The following TXNRD1 variants were observed in gnomAD, a reference collection of about 807,000 sequenced individuals.
TXNRD1 encodes thioredoxin reductase 1, also known as thioredoxin reductase 1, cytoplasmic.
A neutral mutation model predicts 80.3 loss-of-function variants in TXNRD1; 57 were observed. That is an observed-to-expected ratio of 0.71 (90% CI 0.57 to 0.89). The LOEUF (loss-of-function observed/expected upper bound fraction) is 0.89. TXNRD1 is among the 40% of genes least tolerant of loss of function. The pLI is 0.00. For synonymous variants in TXNRD1, 291 were observed against 285.2 expected (o/e 1.02, Z -0.20); for missense variants, 730 against 803.0 (o/e 0.91, Z 1.10).
At chr12:104,304,834 T>C in intron 4 of TXNRD1, 1 of 1,614,004 alleles carries the variant, frequency 6.2e-7, no homozygotes, top group Non-Finnish European at 8.5e-7. Context: ...CCAGTTGCCA[T>C]GGCAGGAAAC....
chr12:104,288,731 G>T, intron 3 of TXNRD1, 200 bp from the exon 4 acceptor site: 1 of 1,436,308 alleles, frequency 7.0e-7, no homozygotes, highest in Non-Finnish European at 9.2e-7. Context: ...GTGCGGATTT[G>T]CCGGGGTCAG....
intron 3 of TXNRD1, chr12:104,287,079 G>C: frequency 7.0e-7 from 1 of 1,431,918 alleles, no homozygotes; most frequent in African/African-American, 1.4e-5. Context: ...CCTGAAGGAG[G>C]GCCTGATGTC....
At chr12:104,284,038 A>G (rs1177715852) in intron 3 of TXNRD1, among the ~76,000 whole-genome samples, 1 of 152,036 alleles carries the variant, frequency 6.6e-6, no homozygotes, top group African/African-American at 2.4e-5. Flanking sequence ...TGGTTAAGGG[A>G]GTTCTGTCTG....
intron 1 of TXNRD1, among the ~76,000 whole-genome samples, chr12:104,235,744 G>T (rs2032725392): frequency 6.6e-6 from 1 of 152,204 alleles, no homozygotes; most frequent in African/African-American, 2.4e-5. Context: ...AAACCCATAA[G>T]CCTGCTGTTT....
intron 3 of TXNRD1, chr12:104,286,586 G>GTTT: frequency 4.1e-5 from 13 of 313,994 alleles, no homozygotes; most frequent in Non-Finnish European, 5.4e-5. Context: ...CACCTTTGGA[G>GTTT]TTTTTTTTTT....
chr12:104,266,490 C>A (rs1251007000), intron 3 of TXNRD1, among the ~76,000 whole-genome samples: 1 of 144,110 alleles, frequency 6.9e-6, no homozygotes, highest in Non-Finnish European at 1.5e-5. Context: ...CACGCCACTG[C>A]ACTCCAGTCT....
rs753862465 is a variant in TXNRD1, at chr12:104,325,315, T to TG, written c.1216-22_1216-21insG. 10 of 1,582,304 alleles carry TG rather than the reference T, an allele frequency of 6.3e-6. No individual in the cohort carries two copies. The African/African-American group carries it at 1.3e-4, about 21-fold the overall frequency. On this transcript the variant is annotated intron_variant, in intron 10 of 16. Transcript: ENST00000525566. ...CTTGATAAATGTCTTTATTTCACAG[T>TG]AAAACTTTATCACTCTTACAGGTTG...
At chr12:104,267,465 C>G (rs984541500) in intron 3 of TXNRD1, among the ~76,000 whole-genome samples, 18 of 151,376 alleles carry the variant, frequency 1.2e-4, no homozygotes, top group African/African-American at 4.4e-4. Flanking sequence ...TTCTGTAGAG[C>G]TGGAGTCTCA....
rs1482667768 is a variant in TXNRD1 at position 104,256,661 on chromosome 12, C to T, written c.244-1358C>T. Among the ~76,000 whole-genome samples, 4 of 151,568 alleles carry T rather than the reference C, an allele frequency of 2.6e-5. No individual in the cohort carries two copies. In the South Asian group the frequency reaches 8.4e-4, roughly 32 times the overall value. ...GGGTGTGGTGGCGCATGCCTGTAAC[C>T]CCACCTAATTGGGTGGCTGAGGCAG... On this transcript the variant is annotated intron_variant, in intron 2 of 16. Coordinates refer to ENST00000525566, the MANE Select transcript of TXNRD1 (RefSeq NM_001093771.3).
rs535769294 is a variant in TXNRD1, at chr12:104,222,351, G to A, written c.91+6458G>A. Among the ~76,000 whole-genome samples, 3 of 151,826 alleles carry A rather than the reference G, an allele frequency of 2.0e-5. No homozygotes were observed. The East Asian group carries it at 5.8e-4, about 29-fold the overall frequency. ...TGACCGCTGTCAAAGTATGGTTTTC[G>A]AAACGTTAAAAATATGATCTTGTAC... On this transcript the variant is annotated intron_variant, in intron 1 of 16. Coordinates refer to ENST00000525566, the MANE Select transcript of TXNRD1 (RefSeq NM_001093771.3).
At chr12:104,334,624 C>T (rs1425032359) in intron 15 of TXNRD1, among the ~76,000 whole-genome samples, 1 of 152,160 alleles carries the variant, frequency 6.6e-6, no homozygotes, top group Non-Finnish European at 1.5e-5. Context: ...CCTGTCTCGG[C>T]CTCCCAAGGT....
intron 3 of TXNRD1, among the ~76,000 whole-genome samples, chr12:104,288,094 G>A (rs909117319): frequency 1.8e-4 from 28 of 152,210 alleles, no homozygotes; most frequent in Middle Eastern, 3.4e-3. Flanking sequence ...GGGTTCAAGC[G>A]ATTCTCCTGC....
At chr12:104,304,969 T>G (rs1376342123) in intron 4 of TXNRD1, 3 of 1,532,060 alleles carry the variant, frequency 2.0e-6, no homozygotes, top group African/African-American at 1.4e-5. Context: ...TTTTGTGTTT[T>G]TTTTCTGAAG....
chr12:104,249,899 G>A (rs564754523), intron 1 of TXNRD1, among the ~76,000 whole-genome samples: 2 of 130,112 alleles, frequency 1.5e-5, no homozygotes, highest in South Asian at 4.9e-4. Context: ...TCGTGCCACT[G>A]TACTCCAGCC....
chr12:104,259,345 C>T (rs2033316877), intron 3 of TXNRD1, among the ~76,000 whole-genome samples: 1 of 150,574 alleles, frequency 6.6e-6, no homozygotes, highest in African/African-American at 2.4e-5. Context: ...CGCACCACAG[C>T]ATTCCAGCCT....
chr12:104,269,185 G>A (rs1418092885), intron 3 of TXNRD1, among the ~76,000 whole-genome samples: 2 of 152,010 alleles, frequency 1.3e-5, no homozygotes, highest in African/African-American at 2.4e-5. Flanking sequence ...GATTATAGGC[G>A]TGAACCACTG....
chr12:104,281,014 C>T (rs2033864974), intron 3 of TXNRD1, among the ~76,000 whole-genome samples: 1 of 152,154 alleles, frequency 6.6e-6, no homozygotes, highest in Non-Finnish European at 1.5e-5. Context: ...TGACTTCTCC[C>T]TTGAACTCCA....
intron 4 of TXNRD1, among the ~76,000 whole-genome samples, chr12:104,294,594 A>G (rs183974138): frequency 7.0e-4 from 106 of 152,300 alleles, no homozygotes; most frequent in African/African-American, 2.5e-3. Context: ...ATCTGGTATA[A>G]CAATTCTTGT....
At chr12:104,219,373 T>A (rs189278323) in intron 1 of TXNRD1, among the ~76,000 whole-genome samples, 18 of 152,360 alleles carry the variant, frequency 1.2e-4, no homozygotes, top group African/African-American at 4.3e-4. Context: ...AACTAATTTC[T>A]TAATGATGCA....
Sources: allele counts gnomAD v4.1 joint callset (sites outside exome capture counted in the v4.1 genomes callset), GRCh38; gene constraint gnomAD v4.1.1; transcripts MANE v1.5; gene names NCBI Gene and HGNC (gene_info 2026-07-23, HGNC 2026-07-21).